Variants in DIAPH2 observed in about 807,000 individuals in gnomAD.
DIAPH2 encodes diaphanous related formin 2.
DIAPH2 carries 35 observed loss-of-function variants against 92.7 expected under a neutral mutation model. The ratio of observed to expected loss-of-function variants is 0.38; its 90% confidence interval spans 0.29 to 0.50. The LOEUF (loss-of-function observed/expected upper bound fraction) is 0.50, where lower values mean the gene tolerates loss of function less well. DIAPH2 is among the 20% of genes least tolerant of loss of function. DIAPH2 has a pLI of 0.94. For synonymous variants in DIAPH2, 301 were observed against 280.4 expected, an observed-to-expected ratio of 1.07 and a Z score of -0.73; for missense variants, 701 against 819.5, an observed-to-expected ratio of 0.86 and a Z score of 1.77.
intron 23 of DIAPH2, among the ~76,000 whole-genome samples, chrX:97,310,787 T>C (rs1255302173): frequency 9.0e-6 from 1 of 111,367 alleles, no homozygotes; most frequent in Non-Finnish European, 1.9e-5. Flanking sequence ...TGCGGGCAGA[T>C]CACTTGAGGT....
At chrX:96,830,612 C>A (rs2064847971) in intron 4 of DIAPH2, among the ~76,000 whole-genome samples, 1 of 88,671 alleles carries the variant, frequency 1.1e-5, no homozygotes, top group Admixed American at 1.3e-4. Flanking sequence ...CAAATGAAAA[C>A]CCCTATTAAA....
chrX:97,179,905 A>G (rs770440277), intron 22 of DIAPH2, among the ~76,000 whole-genome samples: 1 of 111,889 alleles, frequency 8.9e-6, no homozygotes, highest in Non-Finnish European at 1.9e-5. Context: ...AACCCCTGAT[A>G]AAACCAACAG....
At chrX:96,767,622 G>A (rs959409673) in intron 4 of DIAPH2, among the ~76,000 whole-genome samples, 2 of 111,566 alleles carry the variant, frequency 1.8e-5, no homozygotes, top group African/African-American at 6.5e-5. Context: ...AATGAGATAA[G>A]ACTGAGCTGC....
intron 17 of DIAPH2, among the ~76,000 whole-genome samples, chrX:97,050,912 T>A (rs2147894059): frequency 8.9e-6 from 1 of 112,151 alleles, no homozygotes; most frequent in East Asian, 2.8e-4. Context: ...GGAGTGAAGG[T>A]GGTAACATTG....
At chrX:97,355,365 A>C (rs1037601130) in intron 24 of DIAPH2, among the ~76,000 whole-genome samples, 15 of 110,404 alleles carry the variant, frequency 1.4e-4, no homozygotes, top group African/African-American at 4.9e-4. Context: ...AAAATGACTT[A>C]AGTTGTTTTG....
intron 26 of DIAPH2, among the ~76,000 whole-genome samples, chrX:97,446,936 A>AT (rs1422952322): frequency 9.1e-6 from 1 of 109,912 alleles, no homozygotes; most frequent in East Asian, 2.8e-4. Context: ...TATGTGGTAC[A>AT]TGTCCTGGCA....
chrX:97,082,375 G>T (rs1238086223), intron 19 of DIAPH2, among the ~76,000 whole-genome samples: 7 of 107,499 alleles, frequency 6.5e-5, no homozygotes, highest in Admixed American at 3.0e-4. Context: ...ATCCCAGCAC[G>T]TTGGGAGGCC....
At chrX:96,748,922 A>G (rs181004843) in intron 3 of DIAPH2, among the ~76,000 whole-genome samples, 153 of 110,957 alleles carry the variant, frequency 1.4e-3, no homozygotes, top group African/African-American at 4.6e-3. Context: ...AGTGTCCACA[A>G]ATAAAGTTTT....
chrX:97,480,973 C>T (rs1430412586), intron 26 of DIAPH2, among the ~76,000 whole-genome samples: 1 of 112,210 alleles, frequency 8.9e-6, no homozygotes, highest in Non-Finnish European at 1.9e-5. Flanking sequence ...AAGCTGTTTA[C>T]TTCCCCATTG....
chrX:97,352,337 A>G (rs1360234919), intron 24 of DIAPH2, among the ~76,000 whole-genome samples: 2 of 111,052 alleles, frequency 1.8e-5, no homozygotes, highest in African/African-American at 6.5e-5. Context: ...GACATTATGG[A>G]TTAAGATCTT....
chrX:96,959,844 G>A (rs2065835773), intron 16 of DIAPH2, among the ~76,000 whole-genome samples: 1 of 111,549 alleles, frequency 9.0e-6, no homozygotes, highest in Non-Finnish European at 1.9e-5. Flanking sequence ...TGGATGTCCA[G>A]TTTTCCTATC....
chrX:96,937,179 A>C, intron 10 of DIAPH2, 54 bp from the exon 11 acceptor site: 1 of 639,537 alleles, frequency 1.6e-6, no homozygotes, highest in African/African-American at 2.2e-5. Context: ...TATTACCTAA[A>C]TATGCCGTTG....
chrX:96,821,555 T>G (rs187970450), intron 4 of DIAPH2, among the ~76,000 whole-genome samples: 1 of 112,252 alleles, frequency 8.9e-6, no homozygotes, highest in African/African-American at 3.2e-5. Context: ...AATCAACCAT[T>G]TAACATTTTT....
chrX:97,159,406 G>C (rs190020292), intron 22 of DIAPH2, among the ~76,000 whole-genome samples: 2 of 112,239 alleles, frequency 1.8e-5, no homozygotes, highest in Admixed American at 9.5e-5. Context: ...CAGTATAATT[G>C]ATTCAGGGTT....
At chrX:97,118,809 C>T (rs2147382968) in intron 21 of DIAPH2, among the ~76,000 whole-genome samples, 1 of 112,074 alleles carries the variant, frequency 8.9e-6, no homozygotes, top group Admixed American at 9.4e-5. Flanking sequence ...TATAACTTTA[C>T]AAAAGGGGAG....
intron 17 of DIAPH2, among the ~76,000 whole-genome samples, chrX:97,041,417 C>T (rs1290072590): frequency 9.0e-6 from 1 of 111,385 alleles, no homozygotes; most frequent in Non-Finnish European, 1.9e-5. Flanking sequence ...AGTGTGGGAG[C>T]TATGTTAACT....
intron 22 of DIAPH2, among the ~76,000 whole-genome samples, chrX:97,238,190 T>G (rs1333619239): frequency 8.9e-6 from 1 of 111,997 alleles, no homozygotes; most frequent in Non-Finnish European, 1.9e-5. Context: ...ACTTAGACAG[T>G]TTCAAACTTT....
At chrX:97,099,633 A>G in intron 19 of DIAPH2, 61 bp from the exon 20 acceptor site, 1 of 719,116 alleles carries the variant, frequency 1.4e-6, no homozygotes, top group African/African-American at 2.2e-5. Context: ...ATAATTGTTA[A>G]TGCATGTTTA....
At chrX:96,947,838 G>A (rs757005219) in intron 14 of DIAPH2, among the ~76,000 whole-genome samples, 7 of 111,878 alleles carry the variant, frequency 6.3e-5, no homozygotes, top group African/African-American at 2.3e-4. Context: ...TGACAATAAA[G>A]GGCAAATAAA....
Sources: allele counts gnomAD v4.1 joint callset (sites outside exome capture counted in the v4.1 genomes callset), GRCh38; gene constraint gnomAD v4.1.1; transcripts MANE v1.5; gene names NCBI Gene and HGNC (gene_info 2026-07-23, HGNC 2026-07-21).